Variants in CFAP20DC observed in about 807,000 individuals in gnomAD.
CFAP20DC encodes the protein protein CFAP20DC.
CFAP20DC carries 84 observed loss-of-function variants against 101.7 expected under a neutral mutation model. The observed-to-expected ratio is 0.83, with a 90% confidence interval of 0.69 to 0.99. The LOEUF is 0.99. CFAP20DC is among the 50% of genes least tolerant of loss of function. The pLI is 0.00. For missense variants in CFAP20DC, 1,007 were observed against 970.3 expected (o/e 1.04, Z -0.50); for synonymous variants, 359 against 351.2 (o/e 1.02, Z -0.25).
chr3:58,783,153 A>G (rs1366754885), intron 15 of CFAP20DC, among the ~76,000 whole-genome samples: 1 of 152,118 alleles, frequency 6.6e-6, no homozygotes, highest in Non-Finnish European at 1.5e-5. Flanking sequence ...GATTTCCAAC[A>G]AAGATGCCAA....
intron 6 of CFAP20DC, among the ~76,000 whole-genome samples, chr3:58,905,948 G>A (rs2083546493): frequency 6.6e-6 from 1 of 152,142 alleles, no homozygotes; most frequent in South Asian, 2.1e-4. Flanking sequence ...CACATGAGAA[G>A]CAGCAAACTG....
In CFAP20DC at chr3:59,015,152, C is replaced by A. The variant is rs557673089; in HGVS notation, c.278+24405G>T. 9.9e-5 allele frequency among the ~76,000 whole-genome samples: 15 copies of A among 152,112 alleles called. No homozygotes were observed. In the South Asian group the frequency reaches 1.9e-3, roughly 19 times the overall value. On this transcript the variant is annotated intron_variant, in intron 4 of 16. Coordinates refer to ENST00000482387, the MANE Select transcript of CFAP20DC (RefSeq NM_001394063.1). This position sits in a 1 kb window ranked among gnomAD's most constrained non-coding sequence, Gnocchi z 5.4. Reference sequence around the variant, plus strand: ...AGGTGCGGGAGGAGGCAGGCTTGGACCCTGAATAATCCTGCAGGTGCCTTG... The same window carrying A: ...AGGTGCGGGAGGAGGCAGGCTTGGAACCTGAATAATCCTGCAGGTGCCTTG...
chr3:58,736,996 C>T (rs2067771617), intron 3 of CFAP20DC, among the ~76,000 whole-genome samples: 1 of 152,046 alleles, frequency 6.6e-6, no homozygotes, highest in African/African-American at 2.4e-5. Context: ...TGTAAGACTC[C>T]AATATTCATG....
intron 4 of CFAP20DC, among the ~76,000 whole-genome samples, chr3:58,974,971 C>T (rs1453214875): frequency 1.3e-5 from 2 of 152,306 alleles, no homozygotes; most frequent in East Asian, 3.9e-4. Context: ...TTGGTCTCTT[C>T]TTCGGCCTCT....
intron 12 of CFAP20DC, among the ~76,000 whole-genome samples, chr3:58,855,494 C>A (rs2078696428): frequency 6.6e-6 from 1 of 152,074 alleles, no homozygotes. Flanking sequence ...TGGGTATATA[C>A]CCAAAGGACT....
chr3:58,758,155 T>C (rs2069139298), intron 15 of CFAP20DC, among the ~76,000 whole-genome samples: 1 of 152,204 alleles, frequency 6.6e-6, no homozygotes, highest in Non-Finnish European at 1.5e-5. Flanking sequence ...TTGTTTGTTT[T>C]GTTTTTTATT....
At chr3:58,873,801 A>G (rs1178613046) in intron 7 of CFAP20DC, among the ~76,000 whole-genome samples, 1 of 151,828 alleles carries the variant, frequency 6.6e-6, no homozygotes, top group African/African-American at 2.4e-5. Context: ...TTCAAGCTGA[A>G]GTCTGGATAG....
chr3:58,809,709 G>A (rs1007725807), intron 14 of CFAP20DC, among the ~76,000 whole-genome samples: 2 of 152,012 alleles, frequency 1.3e-5, no homozygotes, highest in African/African-American at 4.8e-5. Flanking sequence ...AATCAGAGCA[G>A]GACTGAGGGA....
Position 58,864,034 on chromosome 3 carries a change from T to A in CFAP20DC, c.1259-142A>T. The A allele has an allele frequency of 1.3e-6, 1 of 779,984 alleles. No individual in the cohort carries two copies. The highest frequency in any genetic ancestry group is 2.8e-5 in the East Asian group (1 of 36,232). The allele number at this position is 779,984 out of a possible 1,614,324, so 48.3% of individuals were successfully genotyped here. On this transcript the variant is annotated intron_variant, in intron 11 of 16. Coordinates refer to ENST00000482387, the MANE Select transcript of CFAP20DC (RefSeq NM_001394063.1). This position sits in a 1 kb window ranked among gnomAD's most constrained non-coding sequence, Gnocchi z 4.7. ...GTGCAGTCACGCGATCTCGGCTCAC[T>A]GCAACCTCCGCCTCCCAACCTTCAA...
intron 4 of CFAP20DC, among the ~76,000 whole-genome samples, chr3:58,940,890 CATG>C (rs1299434186): frequency 3.3e-5 from 5 of 152,192 alleles, no homozygotes; most frequent in Admixed American, 3.3e-4. Flanking sequence ...TGTCTACTCA[CATG>C]ATATGTATCT....
At chr3:58,745,733 C>A (rs1177260764) in intron 16 of CFAP20DC, among the ~76,000 whole-genome samples, 1 of 152,076 alleles carries the variant, frequency 6.6e-6, no homozygotes, top group East Asian at 1.9e-4. Flanking sequence ...GATGGAAGTA[C>A]TGATGTCGCT....
chr3:58,911,798 T>C (rs2084184088), intron 6 of CFAP20DC, among the ~76,000 whole-genome samples: 1 of 152,122 alleles, frequency 6.6e-6, no homozygotes, highest in South Asian at 2.1e-4. Context: ...AGCTCTCTGA[T>C]TCAGTTTCTC....
intron 16 of CFAP20DC, among the ~76,000 whole-genome samples, chr3:58,752,364 G>A (rs1381337263): frequency 1.3e-5 from 2 of 152,104 alleles, no homozygotes; most frequent in Non-Finnish European, 2.9e-5. Context: ...ACACTGGCCA[G>A]CACATTTCTA....
chr3:58,939,759 A>ATTTT (rs60955896), intron 4 of CFAP20DC, among the ~76,000 whole-genome samples: 18 of 91,908 alleles, frequency 2.0e-4, no homozygotes, highest in South Asian at 3.4e-4. Context: ...TGCCCGGCCC[A>ATTTT]TTTTTTTTTT....
At position 58,863,991 on chromosome 3, in the gene CFAP20DC, T is replaced by C. The variant is rs1403226980; in HGVS notation, c.1259-99A>G. 19 of 1,201,934 alleles carry C rather than the reference T, an allele frequency of 1.6e-5. No homozygotes were observed. The South Asian group carries it at 3.2e-4, about 20-fold the overall frequency. 74.5% of individuals were successfully genotyped at this position (1,201,934 alleles called of 1,614,324 possible). A position where few individuals can be genotyped will look rare whatever the true frequency, so the allele number is the denominator to read the frequency against. On this transcript the variant is annotated intron_variant, in intron 11 of 16. Transcript: ENST00000482387. The surrounding 1 kb of genome is among the most constrained non-coding windows in gnomAD (Gnocchi z 5.9). ...GTTTTAGTTTTTGAGACAGTCTCAC[T>C]CTGCCGCCTAGGCTGCAGTGCAGTC... is the stretch of plus-strand genomic sequence containing the variant.
intron 15 of CFAP20DC, among the ~76,000 whole-genome samples, chr3:58,804,085 T>C (rs776931024): frequency 5.9e-5 from 9 of 152,194 alleles, no homozygotes; most frequent in Non-Finnish European, 1.3e-4. Flanking sequence ...GCGAGACTGG[T>C]TTATGAAGTA....
At chr3:58,957,399 G>C (rs1001782021) in intron 4 of CFAP20DC, among the ~76,000 whole-genome samples, 2 of 152,124 alleles carry the variant, frequency 1.3e-5, no homozygotes. Flanking sequence ...GTACACTGTT[G>C]GTGGGAATGT....
intron 5 of CFAP20DC, among the ~76,000 whole-genome samples, chr3:58,931,551 G>A (rs543172831): frequency 1.1e-4 from 16 of 152,248 alleles, no homozygotes; most frequent in Admixed American, 9.8e-4. Context: ...CACTTCACAC[G>A]GGCGGGTACT....
At chr3:58,893,335 T>C (rs180717930) in intron 6 of CFAP20DC, among the ~76,000 whole-genome samples, 3 of 152,310 alleles carry the variant, frequency 2.0e-5, no homozygotes, top group Non-Finnish European at 2.9e-5. Flanking sequence ...TGAGCCACCG[T>C]GCCCGGCCAA....
Sources: gnomAD v4.1 joint callset for allele counts (sites outside exome capture counted in the v4.1 genomes callset) on GRCh38, gnomAD v4.1.1 for gene constraint, Gnocchi (gnomAD v3.1) non-coding constraint, MANE v1.5 for transcripts, NCBI Gene and HGNC (gene_info 2026-07-23, HGNC 2026-07-21) for gene names.